Variants in PMF1 observed in about 807,000 individuals in gnomAD.
The protein encoded by PMF1 is polyamine modulated factor 1.
A neutral mutation model predicts 26.7 loss-of-function variants in PMF1; 21 were observed. The observed-to-expected ratio is 0.79, with a 90% CI of 0.56 to 1.13. The LOEUF is 1.13. PMF1 is among the 50% of genes most tolerant of loss of function. The probability of loss-of-function intolerance (pLI) is 0.00; values close to 1 mark genes in which losing one functional copy is unlikely to be tolerated. For missense variants in PMF1, 266 were observed against 254.9 expected, an observed-to-expected ratio of 1.04 and a Z score of -0.30; for synonymous variants, 105 against 101.0, an observed-to-expected ratio of 1.04 and a Z score of -0.24.
At chr1:156,232,692 GA>G (rs1658783861) in intron 2 of PMF1, among the ~76,000 whole-genome samples, 2 of 134,784 alleles carry the variant, frequency 1.5e-5, no homozygotes, top group African/African-American at 5.8e-5. Flanking sequence ...AGCAAAGGCT[GA>G]TGGGGTCTTT....
chr1:156,236,673 T>C, intron 4 of PMF1, 190 bp downstream of exon 4: 1 of 731,962 alleles, frequency 1.4e-6, no homozygotes, highest in Non-Finnish European at 2.2e-6. Context: ...CAGCAGACAG[T>C]CTCCCCCAGA....
intron 1 of PMF1, among the ~76,000 whole-genome samples, chr1:156,219,912 G>C (rs1401089466): frequency 6.6e-6 from 1 of 151,056 alleles, no homozygotes. Context: ...ACCACACCCA[G>C]CTAATTTTTG....
chr1:156,228,058 C>T lies in PMF1; in HGVS notation c.162-4262C>T, dbSNP rs371189266. 1.1e-3 allele frequency among the ~76,000 whole-genome samples: 173 copies of T among 151,830 alleles called. 4 individuals are homozygous for T. In the South Asian group the frequency reaches 0.035, roughly 31 times the overall value. On this transcript the variant is annotated intron_variant, in intron 1 of 4. Transcript: ENST00000368277. ...CAAGTGATTCTCCTGCCTCAGCCTC[C>T]GAAGTAGCTGGGATTACAGACATGC...
chr1:156,239,745 C>A lies in PMF1; in HGVS notation c.*144C>A. Reference sequence around the variant, plus strand: ...TGATGGAATTTGCTGGAGGACTAGGCCAGAGCAAGCCTCACTGCCACTGTG... The same window carrying A: ...TGATGGAATTTGCTGGAGGACTAGGACAGAGCAAGCCTCACTGCCACTGTG... On this transcript the variant is annotated 3_prime_UTR_variant, in exon 5 of 5. Transcript: ENST00000368277. 1.5e-6 allele frequency: 1 copy of A among 668,556 alleles called. No individual in the cohort carries two copies. Among genetic ancestry groups the A allele is most frequent in the Non-Finnish European group, 2.7e-6 (1 of 377,250 alleles). The allele number at this position is 668,556 out of a possible 1,614,324, so 41.4% of individuals were successfully genotyped here.
chr1:156,222,699 T>C (rs562965856), intron 1 of PMF1, among the ~76,000 whole-genome samples: 1 of 152,220 alleles, frequency 6.6e-6, no homozygotes, highest in Non-Finnish European at 1.5e-5. Context: ...GACTTTTAAG[T>C]AGAGACGGGG....
At chr1:156,217,233 T>TAA (rs558492040) in intron 1 of PMF1, among the ~76,000 whole-genome samples, 18 of 97,968 alleles carry the variant, frequency 1.8e-4, no homozygotes, top group Admixed American at 9.6e-4. Context: ...TAAAGTATAA[T>TAA]AAAAAAAAAA....
At chr1:156,232,851 A>G (rs925325181) in intron 2 of PMF1, among the ~76,000 whole-genome samples, 1 of 151,398 alleles carries the variant, frequency 6.6e-6, no homozygotes, top group Non-Finnish European at 1.5e-5. Context: ...CTACCAGCCT[A>G]CAGGCTCTTT....
intron 1 of PMF1, among the ~76,000 whole-genome samples, chr1:156,216,724 C>T (rs897291267): frequency 3.3e-5 from 5 of 151,754 alleles, no homozygotes; most frequent in African/African-American, 7.3e-5. Context: ...CGCGACAACC[C>T]CACCCCACTG....
chr1:156,228,256 ATTTTTTT>A (rs772709878), intron 1 of PMF1, among the ~76,000 whole-genome samples: 5 of 33,544 alleles, frequency 1.5e-4, no homozygotes, highest in South Asian at 1.3e-3. Flanking sequence ...GCACCTGGCG[ATTTTTTT>A]TTTTTTTTTT....
At chr1:156,231,190 CT>C (rs2103115409) in intron 1 of PMF1, among the ~76,000 whole-genome samples, 1 of 125,766 alleles carries the variant, frequency 8.0e-6, no homozygotes, top group East Asian at 2.4e-4. Flanking sequence ...GCACTCCAGC[CT>C]GGGCGACAGA....
chr1:156,224,461 C>T (rs1016462131), intron 1 of PMF1, among the ~76,000 whole-genome samples: 3 of 152,222 alleles, frequency 2.0e-5, no homozygotes, highest in Non-Finnish European at 2.9e-5. Flanking sequence ...GGCCTGGAGA[C>T]TTTCCTCTTA....
Position 156,239,818 on chromosome 1 carries a change from C to G in PMF1, c.*217C>G. On this transcript the variant is annotated 3_prime_UTR_variant, in exon 5 of 5. Transcript: ENST00000368277. ...GGACATACACCCCCTTTAGATTCCT[C>G]TGTTTCTTCTACCTGGATAATTCTT... The G allele has an allele frequency of 1.9e-6, 1 of 526,528 alleles. No individual in the cohort carries two copies. The highest frequency in any genetic ancestry group is 3.4e-6 in the Non-Finnish European group (1 of 296,126). The allele number at this position is 526,528 out of a possible 1,614,324, so 32.6% of individuals were successfully genotyped here.
chr1:156,216,756 G>A (rs1420115474), intron 1 of PMF1, among the ~76,000 whole-genome samples: 2 of 152,008 alleles, frequency 1.3e-5, no homozygotes, highest in African/African-American at 4.8e-5. Context: ...TGCGTGTCAG[G>A]CGTTCTCGTC....
At chr1:156,232,219 A>C in intron 1 of PMF1, 101 bp from the exon 2 acceptor site, 5 of 980,590 alleles carry the variant, frequency 5.1e-6, no homozygotes, top group Non-Finnish European at 8.0e-6. Flanking sequence ...TGAAGTGGAC[A>C]GAGCTCAGAG....
chr1:156,224,649 A>T (rs1471044685), intron 1 of PMF1, among the ~76,000 whole-genome samples: 1 of 151,946 alleles, frequency 6.6e-6, no homozygotes, highest in East Asian at 2.0e-4. Flanking sequence ...CTGTAGTCCC[A>T]GCTACTCGGG....
At chr1:156,230,673 G>A (rs987732662) in intron 1 of PMF1, among the ~76,000 whole-genome samples, 2 of 152,200 alleles carry the variant, frequency 1.3e-5, no homozygotes, top group Non-Finnish European at 2.9e-5. Context: ...AGAGGAATGA[G>A]CCATTGGGAA....
Position 156,216,216 on chromosome 1 carries a change from C to T in PMF1, c.161+3040C>T, listed in dbSNP as rs60677305. On this transcript the variant is annotated intron_variant, in intron 1 of 4. Transcript: ENST00000368277. ...GACCAGCCTGGCCAATGTAGCGAAA[C>T]CCCATCTCTACTACAAATATAAAAA... Among the ~76,000 whole-genome samples the T allele has an allele frequency of 3.2e-3, 493 of 151,982 alleles. 1 individual carries two copies. Among genetic ancestry groups the T allele is most frequent in the African/African-American group, 0.011 (474 of 41,466 alleles).
chr1:156,226,500 C>T (rs568710492), intron 1 of PMF1, among the ~76,000 whole-genome samples: 1 of 152,344 alleles, frequency 6.6e-6, no homozygotes, highest in South Asian at 2.1e-4. Context: ...GCCTTCCACC[C>T]GGGAGGAGAC....
intron 1 of PMF1, among the ~76,000 whole-genome samples, chr1:156,231,239 A>G (rs1327310073): frequency 2.0e-5 from 3 of 149,920 alleles, no homozygotes; most frequent in Non-Finnish European, 4.5e-5. Context: ...AAAAAAAAAA[A>G]AAAAGAATTA....
Sources: allele counts gnomAD v4.1 joint callset (sites outside exome capture counted in the v4.1 genomes callset), GRCh38; gene constraint gnomAD v4.1.1; transcripts MANE v1.5; gene names NCBI Gene and HGNC (gene_info 2026-07-23, HGNC 2026-07-21).